The following NTRK3 variants were observed in gnomAD, a reference collection of about 807,000 sequenced individuals.
NTRK3 encodes NT-3 growth factor receptor.
A neutral mutation model predicts 91.7 loss-of-function variants in NTRK3; 24 were observed. The observed-to-expected ratio is 0.26, with a 90% CI of 0.19 to 0.37. The LOEUF (loss-of-function observed/expected upper bound fraction) is 0.37, where lower values mean the gene tolerates loss of function less well. Ranked by LOEUF, NTRK3 falls within the 10% of genes least tolerant of loss-of-function variation. The pLI, the probability that NTRK3 is intolerant of heterozygous loss-of-function variation, is 1.00. For missense variants in NTRK3, 880 were observed against 1,068.9 expected (o/e 0.82, Z 2.46); for synonymous variants, 483 against 404.0 (o/e 1.20, Z -2.34).
chr15:87,883,582 A>T (rs992291424), intron 17 of NTRK3, among the ~76,000 whole-genome samples: 1 of 151,300 alleles, frequency 6.6e-6, no homozygotes, highest in Admixed American at 6.6e-5. Flanking sequence ...GAGTGTTGTG[A>T]TTGTGTGCAT....
intron 17 of NTRK3, among the ~76,000 whole-genome samples, chr15:87,917,107 G>C (rs1390255025): frequency 2.6e-5 from 4 of 152,200 alleles, no homozygotes. Context: ...TAGTTTTTCT[G>C]AGTCTTATAA....
chr15:88,195,900 C>T (rs572998414), intron 3 of NTRK3, among the ~76,000 whole-genome samples: 2 of 152,280 alleles, frequency 1.3e-5, no homozygotes, highest in South Asian at 2.1e-4. Context: ...GAGAATGCTG[C>T]CCTTTGGGTG....
intron 13 of NTRK3, among the ~76,000 whole-genome samples, chr15:88,116,013 T>A (rs1415956541): frequency 6.6e-6 from 1 of 152,174 alleles, no homozygotes; most frequent in Non-Finnish European, 1.5e-5. Context: ...GAGGAATGAC[T>A]GTCACAGCAG....
intron 14 of NTRK3, among the ~76,000 whole-genome samples, chr15:88,007,829 G>A (rs970011821): frequency 2.0e-5 from 3 of 152,154 alleles, no homozygotes; most frequent in Non-Finnish European, 4.4e-5. Flanking sequence ...CTATGCCTCA[G>A]TAATCTCGTC....
chr15:88,256,696 C>A (rs1397668529), exon 1 of NTRK3: 5 of 384,686 alleles, frequency 1.3e-5, no homozygotes, highest in Non-Finnish European at 2.3e-5. Context: ...CTGCAGCAGC[C>A]GCCGCGAATG....
intron 13 of NTRK3, among the ~76,000 whole-genome samples, chr15:88,046,208 C>G (rs902446966): frequency 6.6e-6 from 1 of 152,234 alleles, no homozygotes; most frequent in African/African-American, 2.4e-5. Context: ...GAGCAGCTCC[C>G]CAGGAACTGT....
chr15:88,244,099 C>A (rs1213621334), intron 3 of NTRK3, among the ~76,000 whole-genome samples: 2 of 152,162 alleles, frequency 1.3e-5, no homozygotes, highest in Non-Finnish European at 2.9e-5. Context: ...CTGCTGCCCC[C>A]CCATGAATTG....
intron 3 of NTRK3, among the ~76,000 whole-genome samples, chr15:88,188,656 C>A (rs1487609685): frequency 6.6e-6 from 1 of 152,246 alleles, no homozygotes; most frequent in Non-Finnish European, 1.5e-5. Flanking sequence ...AAAAGTCTAC[C>A]TCTAGGTCAC....
At chr15:87,908,778 C>G (rs1419778325) in intron 17 of NTRK3, among the ~76,000 whole-genome samples, 3 of 152,110 alleles carry the variant, frequency 2.0e-5, no homozygotes, top group Non-Finnish European at 2.9e-5. Flanking sequence ...CTTCAAGGCC[C>G]TTACTCTGGA....
chr15:88,247,677 G>C (rs1201749549), intron 3 of NTRK3, among the ~76,000 whole-genome samples: 1 of 152,152 alleles, frequency 6.6e-6, no homozygotes, highest in Non-Finnish European at 1.5e-5. Flanking sequence ...GTGGCTGAGC[G>C]ATCATGAAGC....
chr15:88,014,064 CA>C (rs1466594833), intron 14 of NTRK3, among the ~76,000 whole-genome samples: 1 of 152,176 alleles, frequency 6.6e-6, no homozygotes, highest in Non-Finnish European at 1.5e-5. Context: ...CAAAGGAAAA[CA>C]GTGATATCTG....
chr15:88,189,970 C>A (rs1445930633), intron 3 of NTRK3, among the ~76,000 whole-genome samples: 1 of 152,146 alleles, frequency 6.6e-6, no homozygotes, highest in African/African-American at 2.4e-5. Context: ...TTGTAGAACA[C>A]AAAGACGCCC....
intron 17 of NTRK3, among the ~76,000 whole-genome samples, chr15:87,898,409 T>C (rs1201379128): frequency 6.6e-6 from 1 of 152,126 alleles, no homozygotes; most frequent in Non-Finnish European, 1.5e-5. Flanking sequence ...GTCTGGATCC[T>C]TGGATTCAGG....
chr15:88,207,562 G>A (rs891364954), intron 3 of NTRK3, among the ~76,000 whole-genome samples: 10 of 152,222 alleles, frequency 6.6e-5, no homozygotes, highest in African/African-American at 2.4e-4. Context: ...TGGCAAAGCA[G>A]TATATTAGGG....
At chr15:87,866,868 C>T (rs2064696130) in exon 19 of NTRK3, 1 of 207,924 alleles carries the variant, frequency 4.8e-6, no homozygotes, top group Non-Finnish European at 9.8e-6. Flanking sequence ...ATTATAGTCA[C>T]TTCACTAAAT....
chr15:88,032,268 G>A (rs1200464175), intron 14 of NTRK3, among the ~76,000 whole-genome samples: 1 of 152,220 alleles, frequency 6.6e-6, no homozygotes, highest in South Asian at 2.1e-4. Context: ...AACAGGAGAG[G>A]GGAGATGAGA....
At chr15:87,873,338 C>T (rs16940956) in exon 19 of NTRK3, 6,772 of 229,140 alleles carry the variant, frequency 0.03, 474 homozygotes, top group African/African-American at 0.14. Context: ...TGCCCAAGGT[C>T]CCCTCAGAGT....
intron 3 of NTRK3, among the ~76,000 whole-genome samples, chr15:88,221,619 CAT>C: frequency 6.6e-6 from 1 of 152,184 alleles, no homozygotes; most frequent in East Asian, 1.9e-4. Flanking sequence ...GGTGGAACCT[CAT>C]CTCTATTTAA....
At chr15:87,987,267 T>C (rs1481445984) in intron 14 of NTRK3, among the ~76,000 whole-genome samples, 2 of 152,208 alleles carry the variant, frequency 1.3e-5, no homozygotes, top group Non-Finnish European at 2.9e-5. Context: ...ATTTCTATAA[T>C]CACTAAATGG....
Sources: gnomAD v4.1 joint callset for allele counts (sites outside exome capture counted in the v4.1 genomes callset) on GRCh38, gnomAD v4.1.1 for gene constraint, MANE v1.5 for transcripts, NCBI Gene and HGNC (gene_info 2026-07-23, HGNC 2026-07-21) for gene names.